The following PDE2A variants were observed in gnomAD, a reference collection of about 807,000 sequenced individuals.
PDE2A encodes phosphodiesterase 2A.
In PDE2A, 53 loss-of-function variants were observed where a neutral mutation model predicts 133.6. That is an observed-to-expected ratio of 0.40 (90% CI 0.32 to 0.50). The LOEUF is 0.50. Ranked by LOEUF, PDE2A falls within the 20% of genes least tolerant of loss-of-function variation. The probability of loss-of-function intolerance (pLI) is 0.73; values close to 1 mark genes in which losing one functional copy is unlikely to be tolerated. For synonymous variants in PDE2A, 491 were observed against 490.2 expected, an observed-to-expected ratio of 1.00 and a Z score of -0.02; for missense variants, 796 against 1,232.4, an observed-to-expected ratio of 0.65 and a Z score of 5.30.
intron 2 of PDE2A, among the ~76,000 whole-genome samples, chr11:72,628,195 G>C (rs79147547): frequency 0.054 from 8,265 of 152,330 alleles, 343 homozygotes; most frequent in Middle Eastern, 0.099. Context: ...ACAGAGAGGA[G>C]GCTAACTCTC....
chr11:72,603,159 TCA>T (rs1293877454), intron 4 of PDE2A, among the ~76,000 whole-genome samples: 1 of 152,218 alleles, frequency 6.6e-6, no homozygotes, highest in Non-Finnish European at 1.5e-5. Flanking sequence ...CTTGCTGTCC[TCA>T]CTCTCTTGCC....
At chr11:72,605,562 T>C (rs1256354723) in intron 3 of PDE2A, among the ~76,000 whole-genome samples, 1 of 152,202 alleles carries the variant, frequency 6.6e-6, no homozygotes, top group Non-Finnish European at 1.5e-5. Flanking sequence ...ACCTGGGATA[T>C]TTCCCTGCCT....
chr11:72,605,235 G>A lies in PDE2A; in HGVS notation c.235-9C>T, dbSNP rs1295764664. On this transcript the variant is annotated splice_polypyrimidine_tract_variant and intron_variant, in intron 3 of 30. Transcript: ENST00000334456. ...TAGGTGTAGACAGTTTCCTAGGACA[G>A]AAGGCACTTATGAGACCCTGTGGAG... 10 of 1,591,190 alleles carry A rather than the reference G, an allele frequency of 6.3e-6. No homozygotes were observed. The East Asian group carries it at 1.8e-4, about 29-fold the overall frequency.
intron 24 of PDE2A, 72 bp from the exon 25 acceptor site, chr11:72,580,696 G>A: frequency 7.9e-7 from 1 of 1,265,784 alleles, no homozygotes; most frequent in African/African-American, 1.5e-5. Context: ...AGGCTGAGCA[G>A]TGTCCTGCCC....
intron 2 of PDE2A, among the ~76,000 whole-genome samples, chr11:72,630,340 G>A (rs774694293): frequency 4.6e-5 from 7 of 152,150 alleles, no homozygotes; most frequent in East Asian, 3.9e-4. Context: ...CACGGTGGGC[G>A]ACAGACAGCA....
intron 6 of PDE2A, among the ~76,000 whole-genome samples, chr11:72,592,572 T>C (rs1856300142): frequency 6.6e-6 from 1 of 152,088 alleles, no homozygotes; most frequent in African/African-American, 2.4e-5. Flanking sequence ...GGAGGACAAG[T>C]AGACCTTGAA....
intron 1 of PDE2A, among the ~76,000 whole-genome samples, chr11:72,661,884 C>A (rs1440697834): frequency 6.6e-6 from 1 of 152,174 alleles, no homozygotes; most frequent in Non-Finnish European, 1.5e-5. Context: ...GTTCTGTTTT[C>A]GTTTCTGGGT....
At chr11:72,581,060 T>C in intron 23 of PDE2A, 87 bp from the exon 24 acceptor site, 2 of 960,154 alleles carry the variant, frequency 2.1e-6, no homozygotes, top group South Asian at 2.7e-5. Flanking sequence ...GGAGATGACA[T>C]GCCCAGGAGC....
At chr11:72,616,225 G>GAAT (rs1287048109) in intron 2 of PDE2A, among the ~76,000 whole-genome samples, 20 of 152,214 alleles carry the variant, frequency 1.3e-4, no homozygotes, top group Admixed American at 7.2e-4. Flanking sequence ...ATGAATGAAT[G>GAAT]GAGTGATCTC....
Position 72,597,477 on chromosome 11 carries a change from TGCC to T in PDE2A, c.433+30_433+32del. 8.0e-7 allele frequency: 1 copy of T among 1,253,084 alleles called. No individual in the cohort carries two copies. The highest frequency in any genetic ancestry group is 1.2e-6 in the Non-Finnish European group (1 of 869,462). 77.6% of individuals were successfully genotyped at this position (1,253,084 alleles called of 1,614,324 possible). The stretch of plus-strand genomic sequence containing the variant: ...AGGGGCCACAGTCCCTCCCTGCCCC[TGCC>T]CCTGCCCCTGCCCAGCCCCTAGCCC... On this transcript the variant is annotated intron_variant, in intron 5 of 30. Transcript: ENST00000334456. The surrounding 1 kb of genome is among the most constrained non-coding windows in gnomAD (Gnocchi z 4.6).
chr11:72,618,077 AT>A (rs1857565124), intron 2 of PDE2A, among the ~76,000 whole-genome samples: 1 of 152,156 alleles, frequency 6.6e-6, no homozygotes, highest in Non-Finnish European at 1.5e-5. Flanking sequence ...CAAGACTGTC[AT>A]AGCTCCTGGG....
chr11:72,657,181 A>T (rs1423516972), intron 1 of PDE2A, among the ~76,000 whole-genome samples: 1 of 151,860 alleles, frequency 6.6e-6, no homozygotes, highest in Non-Finnish European at 1.5e-5. Flanking sequence ...GTCCCCACAC[A>T]CCTTCCCTGA....
In PDE2A at chr11:72,634,083, C is replaced by T. The variant is rs1487445675; in HGVS notation, c.144+8171G>A. Among the ~76,000 whole-genome samples the T allele has an allele frequency of 7.9e-5, 12 of 152,268 alleles. No individual in the cohort carries two copies. The South Asian group carries it at 2.5e-3, about 32-fold the overall frequency. On this transcript the variant is annotated intron_variant, in intron 2 of 30. Transcript: ENST00000334456. ...AAATCTAACTTTCACTGGAGAGAGG[C>T]TTAAACCCAGAGAGCGCCAGAGACG...
intron 2 of PDE2A, among the ~76,000 whole-genome samples, chr11:72,624,569 C>T (rs999853905): frequency 1.3e-5 from 2 of 152,298 alleles, no homozygotes; most frequent in South Asian, 2.1e-4. Flanking sequence ...GTCAGACACT[C>T]GAGCCACAGA....
In PDE2A at chr11:72,579,525, C is replaced by CCCCAAA; in HGVS notation, c.2256+8_2256+9insTTTGGG. ...CCCTCAATCCCCACCCCACCCCCAACCCCATCACCTTCCGGGAGAAATGAT... is the reference window on the plus strand; with the variant it reads ...CCCTCAATCCCCACCCCACCCCCAACCCCAAACCCATCACCTTCCGGGAGAAATGAT... On this transcript the variant is annotated intron_variant, in intron 26 of 30. Coordinates refer to ENST00000334456, the MANE Select transcript of PDE2A (RefSeq NM_002599.5). 2.9e-6 allele frequency: 4 copies of CCCCAAA among 1,390,476 alleles called. No individual in the cohort carries two copies. Among genetic ancestry groups the CCCCAAA allele is most frequent in the Non-Finnish European group, 3.0e-6 (3 of 983,770 alleles). 86.1% of individuals were successfully genotyped at this position (1,390,476 alleles called of 1,614,324 possible).
intron 20 of PDE2A, 86 bp downstream of exon 20, chr11:72,583,352 T>C (rs1431266605): frequency 2.1e-6 from 2 of 942,384 alleles, no homozygotes; most frequent in East Asian, 4.8e-5. Context: ...CCTCTCATCC[T>C]CAGTAGAGAT....
At position 72,577,554 on chromosome 11, in the gene PDE2A, C is replaced by A; in HGVS notation, c.2656G>T (p.Glu886Ter). 1 of 1,608,750 alleles carries A rather than the reference C, an allele frequency of 6.2e-7. No individual in the cohort carries two copies. Among genetic ancestry groups the A allele is most frequent in the Non-Finnish European group, 8.5e-7 (1 of 1,179,964 alleles). The stretch of plus-strand genomic sequence containing the variant: ...TGCTCACGGTTGGAGGCCACGCGCT[C>A]GTACAGCTCTGCCGCTTTGGGGAAC... ...DLFPKAAELYERVASNREHWT... is the reference protein window; with the variant it reads ...DLFPKAAELY The change falls in exon 31 of 31, where the codon GAG becomes TAG. Residue 886 changes from glutamate to a stop codon, truncating the protein, a stop_gained. Transcript: ENST00000334456. LOFTEE classifies it high-confidence loss of function.
Position 72,578,468 on chromosome 11 carries a change from A to T in PDE2A, c.2508+8T>A. On this transcript the variant is annotated splice_region_variant and intron_variant, in intron 29 of 30. Transcript: ENST00000334456. The surrounding 1 kb of genome is among the most constrained non-coding windows in gnomAD (Gnocchi z 4.2). Reference sequence around the variant, plus strand: ...ATCCTGGACATCCTGGGGTCACTCCACACATACCAGGTCTCCCTGGGAGAA... The same window carrying T: ...ATCCTGGACATCCTGGGGTCACTCCTCACATACCAGGTCTCCCTGGGAGAA... 1 of 1,612,720 alleles carries T rather than the reference A, an allele frequency of 6.2e-7. No individual in the cohort carries two copies. The highest frequency in any genetic ancestry group is 8.5e-7 in the Non-Finnish European group (1 of 1,178,746).
At chr11:72,647,232 C>T (rs980647513) in intron 1 of PDE2A, among the ~76,000 whole-genome samples, 1 of 152,230 alleles carries the variant, frequency 6.6e-6, no homozygotes, top group Non-Finnish European at 1.5e-5. Context: ...TGCTGCCTGA[C>T]ATGCATCTAT....
Sources: allele counts gnomAD v4.1 joint callset (sites outside exome capture counted in the v4.1 genomes callset), GRCh38; gene constraint gnomAD v4.1.1; non-coding constraint Gnocchi (gnomAD v3.1); transcripts MANE v1.5; gene names NCBI Gene and HGNC (gene_info 2026-07-23, HGNC 2026-07-21).